Variants in PKMYT1 observed in about 807,000 individuals in gnomAD.
PKMYT1 encodes membrane-associated tyrosine- and threonine-specific cdc2-inhibitory kinase.
In PKMYT1, 35 loss-of-function variants were observed where a neutral mutation model predicts 49.7. The observed-to-expected ratio is 0.70, with a 90% CI of 0.54 to 0.93. The LOEUF (loss-of-function observed/expected upper bound fraction) is 0.93. Among genes scored for constraint, PKMYT1 ranks in the 40% least tolerant of loss-of-function variants. The probability of loss-of-function intolerance (pLI) is 0.00; values close to 1 mark genes in which losing one functional copy is unlikely to be tolerated. For missense variants in PKMYT1, 677 were observed against 673.1 expected, an observed-to-expected ratio of 1.01 and a Z score of -0.06; for synonymous variants, 331 against 287.6, an observed-to-expected ratio of 1.15 and a Z score of -1.53.
intron 2 of PKMYT1, chr16:2,977,272 G>A: frequency 2.9e-6 from 4 of 1,361,148 alleles, no homozygotes; most frequent in African/African-American, 2.9e-5. Flanking sequence ...AAACCATGGG[G>A]CCCGTGTTCT....
chr16:2,979,703 G>C lies in PKMYT1; in HGVS notation c.-46C>G. ...CTCAGTGGTGGGACGGGGGAGGCAG[G>C]AGCAGGGGCTCCCACGTGAATCCAG... On this transcript the variant is annotated 5_prime_UTR_variant, in exon 2 of 9. Coordinates refer to ENST00000262300, the MANE Select transcript of PKMYT1 (RefSeq NM_004203.5). 1 of 1,613,284 alleles carries C rather than the reference G, an allele frequency of 6.2e-7. No individual in the cohort carries two copies. The highest frequency in any genetic ancestry group is 8.5e-7 in the Non-Finnish European group (1 of 1,179,610).
intron 2 of PKMYT1, 180 bp downstream of exon 2, chr16:2,979,468 T>C: frequency 1.6e-6 from 1 of 621,898 alleles, no homozygotes; most frequent in Non-Finnish European, 2.9e-6. Context: ...AGACTCTTCC[T>C]CTGACTCTAA....
chr16:2,976,366 C>G (rs2072193631), intron 3 of PKMYT1, among the ~76,000 whole-genome samples: 1 of 152,116 alleles, frequency 6.6e-6, no homozygotes, highest in Non-Finnish European at 1.5e-5. Context: ...GCTGGGCCGA[C>G]TCGCCAAGGA....
At chr16:2,978,009 G>C (rs535082849) in intron 2 of PKMYT1, among the ~76,000 whole-genome samples, 1 of 152,312 alleles carries the variant, frequency 6.6e-6, no homozygotes, top group East Asian at 1.9e-4. Flanking sequence ...TTGTAGGAAG[G>C]AGGCTCCACA....
rs995863758 is a variant in PKMYT1, at chr16:2,973,317, C to T, written c.1311-102G>A. The T allele has an allele frequency of 1.8e-5, 28 of 1,517,560 alleles. No homozygotes were observed. The Admixed American group carries it at 4.8e-4, about 26-fold the overall frequency. 94.0% of individuals were successfully genotyped at this position (1,517,560 alleles called of 1,614,324 possible). A position where few individuals can be genotyped will look rare whatever the true frequency, so the allele number is the denominator to read the frequency against. On this transcript the variant is annotated intron_variant, in intron 7 of 8. Coordinates refer to ENST00000262300, the MANE Select transcript of PKMYT1 (RefSeq NM_004203.5). ...AGGCTCCAGGCTCCCGCCTGACAAA[C>T]AGGCAGGGAGCCACAGTCAGGGACA...
chr16:2,977,164 G>A lies in PKMYT1; in HGVS notation c.11-133C>T. ...ACTTATTCTACTTTAAACGGCAATG[G>A]GAGCAATAAGCACCTACCAAGAAAA... is the stretch of plus-strand genomic sequence containing the variant. On this transcript the variant is annotated intron_variant, in intron 2 of 8. Transcript: ENST00000262300. The A allele has an allele frequency of 2.7e-6, 4 of 1,488,444 alleles. No individual in the cohort carries two copies. In the South Asian group the frequency reaches 5.0e-5, roughly 19 times the overall value. 92.2% of individuals were successfully genotyped at this position (1,488,444 alleles called of 1,614,324 possible). A position where few individuals can be genotyped will look rare whatever the true frequency, so the allele number is the denominator to read the frequency against.
chr16:2,979,674 C>G lies in PKMYT1; in HGVS notation c.-17G>C, dbSNP rs1234680501. The G allele has an allele frequency of 6.2e-7, 1 of 1,613,930 alleles. No homozygotes were observed. Among genetic ancestry groups the G allele is most frequent in the Non-Finnish European group, 8.5e-7 (1 of 1,179,878 alleles). ...TTCTAGCATGACTGGCCTGGCCCAA[C>G]AGCCTCAGTGGTGGGACGGGGGAGG... On this transcript the variant is annotated 5_prime_UTR_variant, in exon 2 of 9. Coordinates refer to ENST00000262300, the MANE Select transcript of PKMYT1 (RefSeq NM_004203.5).
intron 2 of PKMYT1, chr16:2,977,384 C>T: frequency 2.0e-6 from 2 of 1,015,616 alleles, no homozygotes; most frequent in Non-Finnish European, 1.2e-6. Context: ...TCCTAAACTA[C>T]ACAACCTCTT....
Position 2,975,533 on chromosome 16 carries a change from C to A in PKMYT1, c.658G>T (p.Ala220Ser), listed in dbSNP as rs760711402. The change falls in exon 4 of 9, where the codon GCC becomes TCC. Residue 220 changes from alanine (A) to serine (S), a missense_variant. Transcript: ENST00000262300. ...VWGYLRDTLL[A>S]LAHLHSQGLV... is the part of the protein sequence containing the mutation. ...CCCTGGCTGTGCAGATGGGCCAGGGCAAGCAGCGTGTCCCGCAGGTAGCCC... is the reference window on the plus strand; with the variant it reads ...CCCTGGCTGTGCAGATGGGCCAGGGAAAGCAGCGTGTCCCGCAGGTAGCCC... The A allele has an allele frequency of 2.5e-6, 4 of 1,612,314 alleles. No homozygotes were observed. The highest frequency in any genetic ancestry group is 3.4e-6 in the Non-Finnish European group (4 of 1,179,866).
chr16:2,975,108 G>T (rs893348306), intron 4 of PKMYT1, among the ~76,000 whole-genome samples: 1 of 152,220 alleles, frequency 6.6e-6, no homozygotes, highest in Non-Finnish European at 1.5e-5. Flanking sequence ...GAGGAGGCAG[G>T]TTACACAAAG....
chr16:2,977,021 T>C lies in PKMYT1; in HGVS notation c.21A>G (p.Ala7=). 6.3e-6 allele frequency: 10 copies of C among 1,587,644 alleles called. No individual in the cohort carries two copies. Among genetic ancestry groups the C allele is most frequent in the Non-Finnish European group, 8.5e-6 (10 of 1,172,504 alleles). ...CCTCCGTGGGCATGGGCATGGCCAG[T>C]GCAGGAGGCCCTGGGGGCAGAGACA... is the stretch of plus-strand genomic sequence containing the variant. The part of the protein sequence containing the change: MLERPP[A]LAMPMPTEGT... Residue 7 remains alanine, a synonymous_variant, in exon 3 of 9, where the codon GCA becomes GCG. Transcript: ENST00000262300.
rs370544187 is a variant in PKMYT1 at position 2,975,626 on chromosome 16, G to C, written c.565C>G (p.Leu189Val). Residue 189 changes from leucine (L) to valine (V), a missense_variant, in exon 4 of 9, where the codon CTG becomes GTG. By Grantham distance (32) the Leu-to-Val change is conservative (BLOSUM62 1). Transcript: ENST00000262300. ...TGTTGCTGCAGGCTGGGCCCGCACA[G>C]CTCCGTCTGCAGGTACAGGATGCCG... ...EGGILYLQTE[L>V]CGPSLQQHCE... The C allele has an allele frequency of 6.2e-7, 1 of 1,611,360 alleles. No individual in the cohort carries two copies. The highest frequency in any genetic ancestry group is 1.1e-5 in the South Asian group (1 of 91,028).
chr16:2,973,411 C>T (rs749698001), intron 7 of PKMYT1, 196 bp from the exon 8 acceptor site: 1 of 1,534,662 alleles, frequency 6.5e-7, no homozygotes, highest in African/African-American at 1.4e-5. Flanking sequence ...TGGCTGCACT[C>T]CAAGGCCCCC....
chr16:2,973,383 C>T, intron 7 of PKMYT1, 168 bp from the exon 8 acceptor site: 1 of 1,538,554 alleles, frequency 6.5e-7, no homozygotes, highest in South Asian at 1.2e-5. Flanking sequence ...CTTGGACAGC[C>T]TTCAAAGTCC....
chr16:2,975,231 GTGGAGCTTCCCTCCTGGGGAA>G (rs2072153395), intron 4 of PKMYT1, 67 bp downstream of exon 4: 4 of 1,418,764 alleles, frequency 2.8e-6, no homozygotes, highest in Admixed American at 4.7e-5. Flanking sequence ...CTGGGCTAGG[GTGGAGCTTCCCTCCTGGGGAA>G]TGGAGCTTCC....
chr16:2,976,494 G>T (rs1212807410), intron 3 of PKMYT1, among the ~76,000 whole-genome samples, 170 bp downstream of exon 3: 1 of 152,240 alleles, frequency 6.6e-6, no homozygotes, highest in Non-Finnish European at 1.5e-5. Context: ...CCTGCATTGG[G>T]GATGATGGGA....
Position 2,977,221 on chromosome 16 carries a change from C to G in PKMYT1, c.11-190G>C. On this transcript the variant is annotated intron_variant, in intron 2 of 8. Transcript: ENST00000262300. Reference sequence around the variant, plus strand: ...GGACAGATTCATACTCACCTGCCCACCAGGCTGTTGTATTTTAGAGATGAT... The same window carrying G: ...GGACAGATTCATACTCACCTGCCCAGCAGGCTGTTGTATTTTAGAGATGAT... 2.1e-6 allele frequency: 3 copies of G among 1,408,710 alleles called. No homozygotes were observed. In the South Asian group the frequency reaches 4.7e-5, roughly 22 times the overall value. The allele number at this position is 1,408,710 out of a possible 1,614,324, so 87.3% of individuals were successfully genotyped here. A position where few individuals can be genotyped will look rare whatever the true frequency, so the allele number is the denominator to read the frequency against.
In PKMYT1 at chr16:2,976,833, C is replaced by T. The variant is rs1407927917; in HGVS notation, c.209G>A (p.Arg70Gln). The T allele has an allele frequency of 2.6e-6, 4 of 1,559,642 alleles. No homozygotes were observed. The highest frequency in any genetic ancestry group is 1.4e-5 in the African/African-American group (1 of 73,454). ...CTGCAGCTGGTGCCAGCCTGGGGTC[C>T]GAGGAGGGAAGAGGCGGCTGATGGG... ...SIPISRLFPPRTPGWHQLQPR... is the reference protein window; with the variant it reads ...SIPISRLFPPQTPGWHQLQPR... The change falls in exon 3 of 9, where the codon CGG becomes CAG. Residue 70 changes from arginine (R) to glutamine (Q), a missense_variant. Transcript: ENST00000262300.
In PKMYT1 at chr16:2,977,047, G is replaced by A. The variant is rs1386712625; in HGVS notation, c.11-16C>T. ...GCAGGAGGCCCTGGGGGCAGAGACAGAGGCTGAGTACAGGGCAGCATGTCC... is the reference window on the plus strand; with the variant it reads ...GCAGGAGGCCCTGGGGGCAGAGACAAAGGCTGAGTACAGGGCAGCATGTCC... On this transcript the variant is annotated splice_polypyrimidine_tract_variant and intron_variant, in intron 2 of 8. Coordinates refer to ENST00000262300, the MANE Select transcript of PKMYT1 (RefSeq NM_004203.5). The A allele has an allele frequency of 6.3e-7, 1 of 1,590,110 alleles. No homozygotes were observed. The highest frequency in any genetic ancestry group is 1.3e-5 in the African/African-American group (1 of 74,744).
Sources: allele counts gnomAD v4.1 joint callset (sites outside exome capture counted in the v4.1 genomes callset), GRCh38; gene constraint gnomAD v4.1.1; transcripts MANE v1.5; gene names NCBI Gene and HGNC (gene_info 2026-07-23, HGNC 2026-07-21).